ATP9B: variants seen among roughly 807,000 people sequenced by gnomAD.
ATP9B encodes probable phospholipid-transporting ATPase IIB.
Under a neutral mutation model 146.1 loss-of-function variants are expected in ATP9B, and 110 were observed. The ratio of observed to expected loss-of-function variants is 0.75; its 90% CI spans 0.65 to 0.88. ATP9B has a LOEUF of 0.88. ATP9B is among the 40% of genes least tolerant of loss of function. The probability of loss-of-function intolerance (pLI) is 0.00; values close to 1 mark genes in which losing one functional copy is unlikely to be tolerated. For synonymous variants in ATP9B, 604 were observed against 569.7 expected (o/e 1.06, Z -0.86); for missense variants, 1,499 against 1,496.4 (o/e 1.00, Z -0.03).
chr18:79,094,092 G>T (rs567658568), intron 1 of ATP9B, among the ~76,000 whole-genome samples: 3 of 152,338 alleles, frequency 2.0e-5, no homozygotes, highest in African/African-American at 7.2e-5. Flanking sequence ...CCCCAGTTCT[G>T]TTTCACCACC....
intron 1 of ATP9B, among the ~76,000 whole-genome samples, chr18:79,073,638 G>C (rs986094455): frequency 3.9e-5 from 6 of 152,006 alleles, no homozygotes; most frequent in Non-Finnish European, 8.8e-5. Context: ...AGACGAGGGA[G>C]GGGGGAGACC....
At chr18:79,336,837 G>C (rs540418024) in intron 18 of ATP9B, 126 bp downstream of exon 18, 2 of 920,022 alleles carry the variant, frequency 2.2e-6, no homozygotes, top group Non-Finnish European at 3.4e-6. Flanking sequence ...AGGCAGCTTC[G>C]CTCAGCAGGA....
At chr18:79,288,758 G>A (rs1439423823) in intron 13 of ATP9B, among the ~76,000 whole-genome samples, 1 of 152,212 alleles carries the variant, frequency 6.6e-6, no homozygotes, top group Non-Finnish European at 1.5e-5. Context: ...GGTACCAGTT[G>A]TTCCTTTCCA....
chr18:79,097,625 A>G (rs1343787991), intron 2 of ATP9B, among the ~76,000 whole-genome samples: 2 of 132,852 alleles, frequency 1.5e-5, no homozygotes, highest in East Asian at 4.6e-4. Flanking sequence ...AATATGCGGT[A>G]TTTGGTTTTT....
chr18:79,112,118 G>A (rs952340779), intron 3 of ATP9B, among the ~76,000 whole-genome samples: 1 of 152,166 alleles, frequency 6.6e-6, no homozygotes, highest in Non-Finnish European at 1.5e-5. Context: ...ATTGCCGTAT[G>A]ATGATGCAGA....
chr18:79,226,533 A>G (rs546173328), intron 11 of ATP9B, among the ~76,000 whole-genome samples: 2 of 152,352 alleles, frequency 1.3e-5, no homozygotes, highest in Admixed American at 6.5e-5. Flanking sequence ...GTCCCTGCTC[A>G]GTGAACACTG....
rs370885119 is a variant in ATP9B, at chr18:79,285,657, A to G, written c.1411+8461A>G. Among the ~76,000 whole-genome samples, 109 of 151,766 alleles carry G rather than the reference A, an allele frequency of 7.2e-4. 1 individual carries two copies. The East Asian group carries it at 0.013, about 18-fold the overall frequency. On this transcript the variant is annotated intron_variant, in intron 13 of 29. Transcript: ENST00000426216. ...TTTGTCAATTTTGGCTTTTGTTGCC[A>G]TTGCTTTTGGTGTTTTAGACATGAA...
intron 12 of ATP9B, among the ~76,000 whole-genome samples, chr18:79,272,538 C>T (rs750327268): frequency 4.0e-5 from 6 of 151,690 alleles, no homozygotes; most frequent in Admixed American, 6.6e-5. Context: ...TGTCCCTGAG[C>T]TCTCTCCACT....
chr18:79,348,552 G>A (rs1016108748), intron 25 of ATP9B, among the ~76,000 whole-genome samples: 8 of 152,320 alleles, frequency 5.3e-5, no homozygotes, highest in African/African-American at 1.9e-4. Context: ...CCCTGGCTGG[G>A]GCTTCATCCT....
chr18:79,254,304 A>G (rs1365606099), intron 12 of ATP9B: 1 of 152,242 alleles, frequency 6.6e-6, no homozygotes, highest in African/African-American at 2.4e-5. Flanking sequence ...CTATTTCTAA[A>G]CCAGCTTTCT....
At chr18:79,286,185 T>C (rs2096438885) in intron 13 of ATP9B, among the ~76,000 whole-genome samples, 1 of 151,750 alleles carries the variant, frequency 6.6e-6, no homozygotes, top group African/African-American at 2.4e-5. Context: ...GGGGATGGCA[T>C]TGAATCTATA....
intron 20 of ATP9B, among the ~76,000 whole-genome samples, chr18:79,342,919 A>C (rs974524757): frequency 2.0e-5 from 3 of 152,224 alleles, no homozygotes; most frequent in African/African-American, 4.8e-5. Flanking sequence ...TTTCAGAGCA[A>C]GTGCTGCCTT....
chr18:79,088,603 T>C (rs984173080), intron 1 of ATP9B, among the ~76,000 whole-genome samples: 1 of 152,184 alleles, frequency 6.6e-6, no homozygotes, highest in Non-Finnish European at 1.5e-5. Context: ...TTTTGATTGG[T>C]AGAGTAGGGT....
At chr18:79,109,482 G>T (rs949245116) in intron 2 of ATP9B, among the ~76,000 whole-genome samples, 37 of 151,796 alleles carry the variant, frequency 2.4e-4, no homozygotes, top group African/African-American at 9.0e-4. Flanking sequence ...AGAGAGCTAT[G>T]TGGAAATACA....
intron 7 of ATP9B, among the ~76,000 whole-genome samples, chr18:79,156,854 G>A (rs2094791066): frequency 6.6e-6 from 1 of 152,138 alleles, no homozygotes. Flanking sequence ...TTTGTCACAT[G>A]TGAATGACTC....
At chr18:79,207,133 C>G in intron 10 of ATP9B, 121 bp downstream of exon 10, 1 of 905,280 alleles carries the variant, frequency 1.1e-6, no homozygotes, top group South Asian at 1.6e-5. Context: ...CCTTGCTAAA[C>G]GCAGACTCCA....
intron 12 of ATP9B, among the ~76,000 whole-genome samples, chr18:79,257,140 A>T (rs2096090695): frequency 1.3e-5 from 2 of 152,098 alleles, no homozygotes; most frequent in African/African-American, 4.8e-5. Flanking sequence ...TCTCTACAAA[A>T]AATACAAAAA....
chr18:79,270,909 A>G (rs1164878470), intron 12 of ATP9B, among the ~76,000 whole-genome samples: 6 of 152,212 alleles, frequency 3.9e-5, no homozygotes, highest in African/African-American at 1.4e-4. Context: ...GTGTGAGGGA[A>G]GCCCTGAAGC....
chr18:79,213,712 T>A (rs1025348857), intron 10 of ATP9B, among the ~76,000 whole-genome samples: 17 of 152,178 alleles, frequency 1.1e-4, no homozygotes, highest in African/African-American at 4.1e-4. Flanking sequence ...GAAAAGAATA[T>A]TAGTACGTTT....
Sources: allele counts gnomAD v4.1 joint callset (sites outside exome capture counted in the v4.1 genomes callset), GRCh38; gene constraint gnomAD v4.1.1; transcripts MANE v1.5; gene names NCBI Gene and HGNC (gene_info 2026-07-23, HGNC 2026-07-21).